Variants in GTF2A1L observed in about 807,000 individuals in gnomAD.
GTF2A1L encodes TFIIA-alpha and beta-like factor.
Under a neutral mutation model 49.7 loss-of-function variants are expected in GTF2A1L, and 48 were observed. The ratio of observed to expected loss-of-function variants is 0.97; its 90% CI spans 0.77 to 1.23. GTF2A1L has a LOEUF of 1.23. GTF2A1L is among the 50% of genes most tolerant of loss of function. The pLI, the probability that GTF2A1L is intolerant of heterozygous loss-of-function variation, is 0.00. For synonymous variants in GTF2A1L, 246 were observed against 193.5 expected, an observed-to-expected ratio of 1.27 and a Z score of -2.25; for missense variants, 736 against 564.8, an observed-to-expected ratio of 1.30 and a Z score of -3.07.
chr2:48,623,572 C>T lies in GTF2A1L; in HGVS notation c.247+2282C>T, dbSNP rs534582948. ...TCAGTTCTATTACTAGGCATTTACC[C>T]GAAAGAAAATAAGTTGTTCTAACAA... On this transcript the variant is annotated intron_variant, in intron 3 of 8. Transcript: ENST00000403751. 4.6e-5 allele frequency among the ~76,000 whole-genome samples: 7 copies of T among 152,192 alleles called. 1 individual carries two copies. In the South Asian group the frequency reaches 8.3e-4, roughly 18 times the overall value.
rs185439336 is a variant in GTF2A1L, at chr2:48,644,535, A to T, written c.304-498A>T. Among the ~76,000 whole-genome samples, 6 of 152,316 alleles carry T rather than the reference A, an allele frequency of 3.9e-5. No individual in the cohort carries two copies. The East Asian group carries it at 1.2e-3, about 29-fold the overall frequency. ...ATGTCTGTGTGTTTCTGTGATAATC[A>T]GGATAAATTTCTAAAAGTAGAGTTC... is the stretch of plus-strand genomic sequence containing the variant. On this transcript the variant is annotated intron_variant, in intron 4 of 8. Transcript: ENST00000403751.
chr2:48,646,888 A>C lies in GTF2A1L; in HGVS notation c.824A>C (p.His275Pro). The change falls in exon 6 of 9, where the codon CAT (histidine) becomes CCT (proline). Residue 275 changes from histidine to proline, a missense_variant. Coordinates refer to ENST00000403751, the MANE Select transcript of GTF2A1L (RefSeq NM_006872.5). Reference sequence around the variant, plus strand: ...TCAGCTAGCATGGCTCAAAATCTGCATGATGAGTCCCTCTCCACAAGCCCT... The same window carrying C: ...TCAGCTAGCATGGCTCAAAATCTGCCTGATGAGTCCCTCTCCACAAGCCCT... ...SGSASMAQNL[H>P]DESLSTSPHG... The C allele has an allele frequency of 6.2e-7, 1 of 1,614,208 alleles. No homozygotes were observed. Among genetic ancestry groups the C allele is most frequent in the Non-Finnish European group, 8.5e-7 (1 of 1,180,020 alleles).
intron 8 of GTF2A1L, among the ~76,000 whole-genome samples, chr2:48,674,724 G>A (rs956045229): frequency 5.9e-5 from 9 of 152,066 alleles, no homozygotes; most frequent in Non-Finnish European, 1.0e-4. Flanking sequence ...TTTGTTTGCC[G>A]CAATGTGGGA....
At chr2:48,617,926 GA>G in intron 1 of GTF2A1L, 31 bp downstream of exon 1, 1 of 1,550,840 alleles carries the variant, frequency 6.4e-7, no homozygotes, top group Non-Finnish European at 8.7e-7. Flanking sequence ...TGTGTAGAGG[GA>G]GCGCCCTGGG....
rs986774512 is a variant in GTF2A1L at position 48,626,818 on chromosome 2, C to T, written c.247+5528C>T. 2.8e-5 allele frequency among the ~76,000 whole-genome samples: 4 copies of T among 144,706 alleles called. 1 individual carries two copies. The highest frequency in any genetic ancestry group is 6.2e-5 in the Non-Finnish European group (4 of 64,222). The allele number at this position is 144,706 out of a possible 152,430, so 94.9% of individuals were successfully genotyped here. A position where few individuals can be genotyped will look rare whatever the true frequency, so the allele number is the denominator to read the frequency against. On this transcript the variant is annotated intron_variant, in intron 3 of 8. Transcript: ENST00000403751. ...CAAACTCCTGAGTTCAAGCAATCCA[C>T]CTACCTTGGCCTCCTAGAGTGTGCA...
At chr2:48,619,480 A>AAAAT (rs1675854571) in intron 1 of GTF2A1L, among the ~76,000 whole-genome samples, 1 of 150,100 alleles carries the variant, frequency 6.7e-6, no homozygotes, top group Admixed American at 6.6e-5. Context: ...AAAAAAAAAA[A>AAAAT]AATAATAATA....
At chr2:48,647,234 T>G (rs1677570944) in intron 6 of GTF2A1L, 192 bp downstream of exon 6, 4 of 507,986 alleles carry the variant, frequency 7.9e-6, no homozygotes, top group African/African-American at 5.9e-5. Flanking sequence ...AACATAAAGT[T>G]TACCAACTTA....
chr2:48,646,074 A>C (rs1185809471), intron 5 of GTF2A1L, among the ~76,000 whole-genome samples: 2 of 152,000 alleles, frequency 1.3e-5, no homozygotes, highest in African/African-American at 4.8e-5. Context: ...AAATATATGA[A>C]GTATATTTTA....
intron 3 of GTF2A1L, among the ~76,000 whole-genome samples, chr2:48,636,738 T>A (rs1676910171): frequency 6.6e-6 from 1 of 152,192 alleles, no homozygotes; most frequent in African/African-American, 2.4e-5. Flanking sequence ...ATATGTAATT[T>A]ATAATCTAGT....
In GTF2A1L at chr2:48,679,565, G is replaced by A; in HGVS notation, c.*123G>A. On this transcript the variant is annotated 3_prime_UTR_variant, in exon 9 of 9. Coordinates refer to ENST00000403751, the MANE Select transcript of GTF2A1L (RefSeq NM_006872.5). Reference sequence around the variant, plus strand: ...TGTTCAAATTTTTAGTTCACTGTATGGAATTTAATAAAATTATAATTCAGA... The same window carrying A: ...TGTTCAAATTTTTAGTTCACTGTATAGAATTTAATAAAATTATAATTCAGA... 2.1e-6 allele frequency: 3 copies of A among 1,447,248 alleles called. No individual in the cohort carries two copies. Among genetic ancestry groups the A allele is most frequent in the East Asian group, 2.7e-5 (1 of 36,804 alleles). The allele number at this position is 1,447,248 out of a possible 1,614,324, so 89.7% of individuals were successfully genotyped here.
chr2:48,649,249 C>T lies in GTF2A1L; in HGVS notation c.978+2207C>T, dbSNP rs547246089. On this transcript the variant is annotated intron_variant, in intron 6 of 8. Coordinates refer to ENST00000403751, the MANE Select transcript of GTF2A1L (RefSeq NM_006872.5). ...TTTTCAAGGTTAGTCGATATCGTAG[C>T]ATGTGTCAGAATTTCATTCCTTTTT... is the stretch of plus-strand genomic sequence containing the variant. Among the ~76,000 whole-genome samples the T allele has an allele frequency of 2.0e-5, 3 of 152,298 alleles. 1 individual carries two copies. The highest frequency in any genetic ancestry group is 7.2e-5 in the African/African-American group (3 of 41,574).
chr2:48,672,972 A>T (rs1679253722), intron 8 of GTF2A1L, among the ~76,000 whole-genome samples: 1 of 152,202 alleles, frequency 6.6e-6, no homozygotes, highest in South Asian at 2.1e-4. Context: ...TGTAGGCCTA[A>T]GAAACCACTG....
At chr2:48,643,006 G>A (rs1373453120) in intron 4 of GTF2A1L, among the ~76,000 whole-genome samples, 1 of 152,164 alleles carries the variant, frequency 6.6e-6, no homozygotes, top group African/African-American at 2.4e-5. Flanking sequence ...TTCCAAGACT[G>A]TACCTACAAG....
chr2:48,652,536 A>G (rs1225283886), intron 6 of GTF2A1L, among the ~76,000 whole-genome samples: 2 of 151,080 alleles, frequency 1.3e-5, no homozygotes. Context: ...AATCACTTGA[A>G]CCTGGGAGGC....
chr2:48,642,307 T>G (rs1422175559), intron 3 of GTF2A1L, 95 bp from the exon 4 acceptor site: 3 of 1,199,384 alleles, frequency 2.5e-6, no homozygotes. Context: ...AACCTGTTAG[T>G]GATAGAAAAT....
chr2:48,627,818 AC>A (rs1676368786), intron 3 of GTF2A1L, among the ~76,000 whole-genome samples: 1 of 142,868 alleles, frequency 7.0e-6, no homozygotes, highest in Non-Finnish European at 1.6e-5. Context: ...AATGCATAGT[AC>A]CCCCAGGTAC....
rs1249851720 is a variant in GTF2A1L at position 48,617,915 on chromosome 2, C to G, written c.21+20C>G. 4 of 1,551,636 alleles carry G rather than the reference C, an allele frequency of 2.6e-6. No individual in the cohort carries two copies. In the African/African-American group the frequency reaches 5.5e-5, roughly 21 times the overall value. On this transcript the variant is annotated intron_variant, in intron 1 of 8. Transcript: ENST00000403751. ...CCGGTGGTAAGGAAGACCTCAGGCT[C>G]TGTGTAGAGGGAGCGCCCTGGGACT...
intron 6 of GTF2A1L, among the ~76,000 whole-genome samples, chr2:48,659,821 C>G (rs2104265234): frequency 6.6e-6 from 1 of 151,854 alleles, no homozygotes; most frequent in East Asian, 1.9e-4. Context: ...ATTTTGTATT[C>G]TTTAACATTG....
intron 3 of GTF2A1L, among the ~76,000 whole-genome samples, chr2:48,621,651 T>C (rs1676004763): frequency 6.6e-6 from 1 of 152,172 alleles, no homozygotes; most frequent in Non-Finnish European, 1.5e-5. Context: ...GCTTGCAAGT[T>C]TGTGTGTTCT....
Sources: gnomAD v4.1 joint callset for allele counts (sites outside exome capture counted in the v4.1 genomes callset) on GRCh38, gnomAD v4.1.1 for gene constraint, MANE v1.5 for transcripts, NCBI Gene and HGNC (gene_info 2026-07-23, HGNC 2026-07-21) for gene names.